The following SNX29 variants were observed in gnomAD, a reference collection of about 807,000 sequenced individuals.
SNX29 encodes sorting nexin 29, also known as sorting nexin-29.
SNX29 carries 78 observed loss-of-function variants against 102.1 expected under a neutral mutation model. That is an observed-to-expected ratio of 0.76 (90% CI 0.64 to 0.92). SNX29 has a LOEUF of 0.92. SNX29 is among the 40% of genes least tolerant of loss of function. The pLI is 0.00. For missense variants in SNX29, 1,280 were observed against 1,061.7 expected (o/e 1.21, Z -2.86); for synonymous variants, 580 against 414.5 (o/e 1.40, Z -4.85).
rs74944015 is a variant in SNX29, at chr16:12,462,278, G to A, written c.2038-15441G>A. Among the ~76,000 whole-genome samples, 629 of 151,792 alleles carry A rather than the reference G, an allele frequency of 4.1e-3. 12 individuals carry two copies. In the East Asian group the frequency reaches 0.046, roughly 11 times the overall value. On this transcript the variant is annotated intron_variant, in intron 18 of 20. Transcript: ENST00000566228. ...GGACATTGCCTCTTTTTTCCTGAAG[G>A]ATAGAGACGTGCCTTTCATTTTGGG...
chr16:12,333,127 G>A (rs927706114), intron 15 of SNX29, among the ~76,000 whole-genome samples: 10 of 61,662 alleles, frequency 1.6e-4, no homozygotes, highest in African/African-American at 2.6e-4. Context: ...TTTTTTTGAG[G>A]CAGAGTCTTG....
chr16:12,425,414 C>G (rs991051547), intron 18 of SNX29, among the ~76,000 whole-genome samples: 2 of 151,822 alleles, frequency 1.3e-5, no homozygotes, highest in Non-Finnish European at 2.9e-5. Flanking sequence ...GTATTTATCA[C>G]TTAGTCACCG....
At chr16:12,563,187 C>G (rs1335499258) in intron 20 of SNX29, among the ~76,000 whole-genome samples, 2 of 106,530 alleles carry the variant, frequency 1.9e-5, no homozygotes, top group Non-Finnish European at 3.8e-5. Context: ...ATGTCACTTC[C>G]CACAGTCAAC....
At chr16:12,022,252 G>A (rs965323627) in intron 3 of SNX29, among the ~76,000 whole-genome samples, 4 of 150,422 alleles carry the variant, frequency 2.7e-5, no homozygotes, top group Non-Finnish European at 4.4e-5. Context: ...TCAGGCTGGA[G>A]TACAGTGGCA....
intron 8 of SNX29, 91 bp downstream of exon 8, chr16:12,052,313 T>C: frequency 7.0e-7 from 1 of 1,422,730 alleles, no homozygotes; most frequent in East Asian, 2.5e-5. Flanking sequence ...ACCTCCCGGG[T>C]TCAAGCTATT....
At chr16:12,500,288 T>G (rs2089051130) in intron 19 of SNX29, among the ~76,000 whole-genome samples, 1 of 152,128 alleles carries the variant, frequency 6.6e-6, no homozygotes, top group Non-Finnish European at 1.5e-5. Flanking sequence ...ATGAGCCACT[T>G]CTCCTGGCCC....
At chr16:12,181,050 TAC>T (rs1433520125) in intron 13 of SNX29, among the ~76,000 whole-genome samples, 1 of 152,166 alleles carries the variant, frequency 6.6e-6, no homozygotes, top group East Asian at 1.9e-4. Flanking sequence ...GTCCTGACAG[TAC>T]AGATTTGAGA....
intron 16 of SNX29, among the ~76,000 whole-genome samples, chr16:12,358,518 C>T (rs559866348): frequency 3.9e-5 from 6 of 152,270 alleles, no homozygotes; most frequent in Non-Finnish European, 8.8e-5. Flanking sequence ...CTGACCTTCT[C>T]CTGCTCTCTT....
chr16:12,464,077 A>C (rs1177840437), intron 18 of SNX29, among the ~76,000 whole-genome samples: 2 of 151,978 alleles, frequency 1.3e-5, no homozygotes, highest in African/African-American at 4.8e-5. Flanking sequence ...TATCCATAGA[A>C]CTTCACTCAC....
At chr16:12,265,858 C>G (rs1339637657) in intron 14 of SNX29, among the ~76,000 whole-genome samples, 1 of 152,058 alleles carries the variant, frequency 6.6e-6, no homozygotes, top group African/African-American at 2.4e-5. Flanking sequence ...TCATTGCACT[C>G]CAGTCAGGGT....
intron 20 of SNX29, among the ~76,000 whole-genome samples, chr16:12,558,334 G>C (rs1173198836): frequency 6.7e-6 from 1 of 149,576 alleles, no homozygotes; most frequent in East Asian, 1.9e-4. Context: ...TCAACAAAGA[G>C]ACAAAGAGGC....
chr16:12,142,535 TCAG>T (rs2054902797), intron 13 of SNX29, among the ~76,000 whole-genome samples: 2 of 152,292 alleles, frequency 1.3e-5, no homozygotes, highest in South Asian at 4.1e-4. Flanking sequence ...CTGATGAAAT[TCAG>T]TCAAGATGAA....
intron 1 of SNX29, among the ~76,000 whole-genome samples, chr16:11,998,047 C>T (rs576654672): frequency 1.3e-5 from 2 of 152,250 alleles, no homozygotes; most frequent in South Asian, 2.1e-4. Flanking sequence ...GCCCAGCACA[C>T]GGTGGTGGTT....
chr16:12,402,787 A>G (rs1191035788), intron 17 of SNX29, among the ~76,000 whole-genome samples: 1 of 152,202 alleles, frequency 6.6e-6, no homozygotes, highest in Non-Finnish European at 1.5e-5. Context: ...ACCTTGGTGT[A>G]TTGGACCCAT....
intron 13 of SNX29, among the ~76,000 whole-genome samples, chr16:12,155,721 G>C (rs2055519265): frequency 6.6e-6 from 1 of 152,172 alleles, no homozygotes. Context: ...TGTGAGAGCA[G>C]GGAGGGCCCA....
chr16:12,540,631 G>C (rs1168504969), intron 20 of SNX29, among the ~76,000 whole-genome samples: 2 of 152,140 alleles, frequency 1.3e-5, no homozygotes, highest in Admixed American at 6.6e-5. Flanking sequence ...AAGAGTCCAG[G>C]ATCATCTCCC....
At chr16:12,047,585 TATTGTCCCCATCTTACAGATAAG>T (rs2050138100) in intron 6 of SNX29, among the ~76,000 whole-genome samples, 2 of 151,868 alleles carry the variant, frequency 1.3e-5, no homozygotes, top group Admixed American at 1.3e-4. Flanking sequence ...AGGAAGATAA[TATTGTCCCCATCTTACAGATAAG>T]GTGACTGGAG....
In SNX29 at chr16:12,567,898, C is replaced by G. The variant is rs1012947858; in HGVS notation, c.2319-608C>G. Among the ~76,000 whole-genome samples the G allele has an allele frequency of 2.6e-5, 4 of 152,338 alleles. No homozygotes were observed. In the South Asian group the frequency reaches 8.3e-4, roughly 32 times the overall value. Reference sequence around the variant, plus strand: ...CGAGGGCCTCCCACACAACCCAGACCCATGCCCTGGGACCCACACACGCTG... The same window carrying G: ...CGAGGGCCTCCCACACAACCCAGACGCATGCCCTGGGACCCACACACGCTG... On this transcript the variant is annotated intron_variant, in intron 20 of 20. Transcript: ENST00000566228.
intron 15 of SNX29, among the ~76,000 whole-genome samples, chr16:12,346,265 A>G (rs2081801303): frequency 6.6e-6 from 1 of 152,152 alleles, no homozygotes; most frequent in African/African-American, 2.4e-5. Flanking sequence ...TGTAGATTCT[A>G]CAGGACCAGT....
Sources: allele counts gnomAD v4.1 joint callset (sites outside exome capture counted in the v4.1 genomes callset), GRCh38; gene constraint gnomAD v4.1.1; transcripts MANE v1.5; gene names NCBI Gene and HGNC (gene_info 2026-07-23, HGNC 2026-07-21).